Variants in CTNND2 observed in about 807,000 individuals in gnomAD.
CTNND2 encodes catenin delta 2, also known as catenin delta-2.
CTNND2 carries 22 observed loss-of-function variants against 144.4 expected under a neutral mutation model. The ratio of observed to expected loss-of-function variants is 0.15; its 90% confidence interval spans 0.11 to 0.22. The LOEUF (loss-of-function observed/expected upper bound fraction) is 0.22, where lower values mean the gene tolerates loss of function less well. Among genes scored for constraint, CTNND2 ranks in the 10% least tolerant of loss-of-function variants. CTNND2 has a pLI of 1.00. For synonymous variants in CTNND2, 751 were observed against 695.6 expected (o/e 1.08, Z -1.25); for missense variants, 1,353 against 1,618.8 (o/e 0.84, Z 2.82).
At chr5:11,527,917 G>A (rs915053645) in intron 3 of CTNND2, among the ~76,000 whole-genome samples, 4 of 152,126 alleles carry the variant, frequency 2.6e-5, no homozygotes, top group African/African-American at 2.4e-5. Context: ...CTTGGGTACG[G>A]CGCTGCATTA....
intron 16 of CTNND2, among the ~76,000 whole-genome samples, chr5:11,023,968 T>C (rs530924695): frequency 1.3e-5 from 2 of 152,338 alleles, no homozygotes; most frequent in African/African-American, 2.4e-5. Context: ...TCAGATGGAA[T>C]TGGCAAGTGC....
intron 3 of CTNND2, among the ~76,000 whole-genome samples, chr5:11,465,703 G>A (rs894346638): frequency 3.3e-5 from 5 of 152,130 alleles, no homozygotes; most frequent in African/African-American, 4.8e-5. Flanking sequence ...AAACCATCAT[G>A]GTGACTAAAT....
At chr5:11,801,615 A>G (rs2126888130) in intron 1 of CTNND2, among the ~76,000 whole-genome samples, 1 of 152,352 alleles carries the variant, frequency 6.6e-6, no homozygotes, top group Non-Finnish European at 1.5e-5. Flanking sequence ...GGAAAACTCC[A>G]TAGGCAGCAA....
intron 9 of CTNND2, among the ~76,000 whole-genome samples, chr5:11,313,203 AGTT>A (rs1269367437): frequency 6.6e-6 from 1 of 152,060 alleles, no homozygotes; most frequent in East Asian, 1.9e-4. Flanking sequence ...TCACAAGAAG[AGTT>A]GTTGTTCAGA....
intron 1 of CTNND2, among the ~76,000 whole-genome samples, chr5:11,770,502 A>G (rs1189391804): frequency 1.3e-5 from 2 of 151,904 alleles, no homozygotes; most frequent in African/African-American, 4.8e-5. Context: ...ACTGTTCAAT[A>G]TGATGGATAT....
intron 3 of CTNND2, among the ~76,000 whole-genome samples, chr5:11,533,068 C>T (rs918267870): frequency 3.9e-5 from 6 of 152,202 alleles, no homozygotes; most frequent in East Asian, 1.9e-4. Context: ...GCCCAGGGGG[C>T]GGAGAAGAGG....
At chr5:11,437,910 G>A (rs189678839) in intron 3 of CTNND2, among the ~76,000 whole-genome samples, 1 of 152,202 alleles carries the variant, frequency 6.6e-6, no homozygotes, top group Admixed American at 6.5e-5. Flanking sequence ...AAGCTCAGGG[G>A]TGGCTAGGCC....
intron 16 of CTNND2, among the ~76,000 whole-genome samples, chr5:11,028,613 C>T (rs1402038617): frequency 6.6e-6 from 1 of 152,176 alleles, no homozygotes; most frequent in African/African-American, 2.4e-5. Flanking sequence ...ATATAAATGG[C>T]ATCATAAAGG....
At chr5:11,378,547 C>G (rs188872778) in intron 7 of CTNND2, among the ~76,000 whole-genome samples, 208 of 152,298 alleles carry the variant, frequency 1.4e-3, no homozygotes, top group Non-Finnish European at 2.0e-3. Flanking sequence ...ATCTAAATAT[C>G]TAGCACTAGA....
intron 1 of CTNND2, among the ~76,000 whole-genome samples, chr5:11,879,705 G>T (rs535555777): frequency 1.3e-5 from 2 of 151,940 alleles, no homozygotes; most frequent in African/African-American, 2.4e-5. Context: ...CTATAGGTTC[G>T]CAAAGAGTAG....
intron 9 of CTNND2, among the ~76,000 whole-genome samples, chr5:11,335,816 T>C (rs1258844890): frequency 2.6e-5 from 4 of 152,168 alleles, no homozygotes; most frequent in Admixed American, 2.0e-4. Context: ...CTCTGATTGG[T>C]TGCTTTCCAC....
chr5:11,712,182 A>G (rs149205653), intron 2 of CTNND2, among the ~76,000 whole-genome samples: 16 of 152,312 alleles, frequency 1.1e-4, no homozygotes, highest in African/African-American at 3.8e-4. Context: ...ACACATACAA[A>G]CTACTTCTTT....
intron 7 of CTNND2, among the ~76,000 whole-genome samples, chr5:11,382,578 A>G (rs1758602443): frequency 6.7e-6 from 1 of 148,942 alleles, no homozygotes; most frequent in Non-Finnish European, 1.5e-5. Context: ...AGCCTGGGCA[A>G]CCGACAGAGT....
intron 7 of CTNND2, among the ~76,000 whole-genome samples, chr5:11,375,486 G>T (rs1321151477): frequency 6.6e-6 from 1 of 152,126 alleles, no homozygotes; most frequent in East Asian, 1.9e-4. Context: ...GTTCTAAGGA[G>T]AACTAAAATT....
At chr5:11,106,950 G>A (rs1351939746) in intron 14 of CTNND2, among the ~76,000 whole-genome samples, 6 of 152,106 alleles carry the variant, frequency 3.9e-5, no homozygotes, top group African/African-American at 1.2e-4. Flanking sequence ...AGCCAGAATC[G>A]TGACCATGGG....
At chr5:10,978,365 C>A (rs984640529) in intron 21 of CTNND2, among the ~76,000 whole-genome samples, 2 of 152,148 alleles carry the variant, frequency 1.3e-5, no homozygotes, top group Non-Finnish European at 2.9e-5. Context: ...TTTATTGAGT[C>A]CCCAAAGAGA....
At chr5:11,380,737 T>C (rs1477450292) in intron 7 of CTNND2, among the ~76,000 whole-genome samples, 1 of 152,206 alleles carries the variant, frequency 6.6e-6, no homozygotes, top group African/African-American at 2.4e-5. Flanking sequence ...AAGGTTTGTC[T>C]ATCAGGAAGA....
chr5:11,556,719 T>C (rs180967574), intron 3 of CTNND2, among the ~76,000 whole-genome samples: 1 of 150,288 alleles, frequency 6.7e-6, no homozygotes. Context: ...TGCCCCCTAA[T>C]ATCCAAAGTA....
At position 11,098,690 on chromosome 5, in the gene CTNND2, A is replaced by C. The variant is rs200059300; in HGVS notation, c.2522T>G (p.Leu841Arg). ...CAEPPKGIQM[L>R]WHPSIVKPYL... is the part of the protein sequence containing the mutation. ...GGGTTTGACTATTGATGGGTGCCACAGCATCTGGATCCCTTTTGGTGGTTC... is the reference window on the plus strand; with the variant it reads ...GGGTTTGACTATTGATGGGTGCCACCGCATCTGGATCCCTTTTGGTGGTTC... The change falls in exon 15 of 22, where the codon CTG (leucine) becomes CGG (arginine). Residue 841 changes from leucine (L) to arginine (R), a missense_variant. Leu to Arg is a moderately radical substitution (Grantham distance 102, BLOSUM62 -2). Transcript: ENST00000304623. The C allele has an allele frequency of 6.2e-7, 1 of 1,614,078 alleles. No homozygotes were observed. Among genetic ancestry groups the C allele is most frequent in the Non-Finnish European group, 8.5e-7 (1 of 1,180,032 alleles).
Sources: allele counts gnomAD v4.1 joint callset (sites outside exome capture counted in the v4.1 genomes callset), GRCh38; gene constraint gnomAD v4.1.1; transcripts MANE v1.5; gene names NCBI Gene and HGNC (gene_info 2026-07-23, HGNC 2026-07-21).